The following TRPV1 variants were observed in gnomAD, a reference collection of about 807,000 sequenced individuals.
TRPV1 encodes the protein transient receptor potential cation channel subfamily V member 1.
Under a neutral mutation model 82.3 loss-of-function variants are expected in TRPV1, and 82 were observed. The observed-to-expected ratio is 1.00, with a 90% CI of 0.83 to 1.20. TRPV1 has a LOEUF of 1.20. TRPV1 is among the 50% of genes most tolerant of loss of function. The probability of loss-of-function intolerance (pLI) is 0.00; values close to 1 mark genes in which losing one functional copy is unlikely to be tolerated. For missense variants in TRPV1, 1,067 were observed against 1,096.8 expected (o/e 0.97, Z 0.38); for synonymous variants, 515 against 467.7 (o/e 1.10, Z -1.30).
intron 2 of TRPV1, 27 bp from the exon 3 acceptor site, chr17:3,592,410 A>G (rs1184477623): frequency 6.6e-7 from 1 of 1,516,010 alleles, no homozygotes; most frequent in Non-Finnish European, 8.8e-7. Flanking sequence ...GCCGGGGTTG[A>G]CTCCCAAAGT....
rs1331541565 is a variant in TRPV1, at chr17:3,592,264, AG to A, written c.86del (p.Pro29LeufsTer132). The A allele has an allele frequency of 1.1e-5, 17 of 1,607,974 alleles. No homozygotes were observed. In the African/African-American group the frequency reaches 2.3e-4, roughly 21 times the overall value. ...DTCPDPLDGD[P>X]NSRPPPAKPQ... is the part of the protein sequence containing the mutation. ...GCTTGGCTGGAGGTGGCCTGGAGTTAGGGTCTCCATCCAGGGGGTCTGGGCA... is the reference window on the plus strand; with the variant it reads ...GCTTGGCTGGAGGTGGCCTGGAGTTAGGTCTCCATCCAGGGGGTCTGGGCA... On this transcript the variant is annotated frameshift_variant, in exon 3 of 17. Coordinates refer to ENST00000572705, the MANE Select transcript of TRPV1 (RefSeq NM_080704.4). LOFTEE classifies it high-confidence loss of function.
rs1314267556 is a variant in TRPV1 at position 3,566,949 on chromosome 17, G to C, written c.2386C>G (p.Leu796Val). 3 of 1,613,920 alleles carry C rather than the reference G, an allele frequency of 1.9e-6. No homozygotes were observed. The East Asian group carries it at 6.7e-5, about 36-fold the overall frequency. Reference protein sequence around the residue: ...RHWKNFALVPLLREASARDRQ... With the variant: ...RHWKNFALVPVLREASARDRQ... ...TCTCGAGCACTTGCCTCTCTTAAAA[G>C]GGGGACCAGGGCAAAGTTCTTCCAG... Residue 796 changes from leucine to valine, a missense_variant, in exon 17 of 17, where the codon CTT becomes GTT. Coordinates refer to ENST00000572705, the MANE Select transcript of TRPV1 (RefSeq NM_080704.4).
Position 3,591,245 on chromosome 17 carries a change from C to A in TRPV1, c.393G>T (p.Glu131Asp). Residue 131 changes from glutamate (E) to aspartate (D), a missense_variant, in exon 4 of 17, where the codon GAG becomes GAT. Physicochemically the swap from Glu to Asp is conservative, Grantham distance 45. Coordinates refer to ENST00000572705, the MANE Select transcript of TRPV1 (RefSeq NM_080704.4). Reference sequence around the variant, plus strand: ...TCTTCTGCAGGAAGAGCAGCAGGCTCTCCAGATCCTGGCAGTTATTCTGAG... The same window carrying A: ...TCTTCTGCAGGAAGAGCAGCAGGCTATCCAGATCCTGGCAGTTATTCTGAG... ...AVAQNNCQDLESLLLFLQKSK... is the reference protein window; with the variant it reads ...AVAQNNCQDLDSLLLFLQKSK... 6.2e-7 allele frequency: 1 copy of A among 1,613,322 alleles called. No individual in the cohort carries two copies. Among genetic ancestry groups the A allele is most frequent in the Non-Finnish European group, 8.5e-7 (1 of 1,179,810 alleles).
chr17:3,598,586 G>C (rs1400908634), intron 2 of TRPV1, among the ~76,000 whole-genome samples: 1 of 105,472 alleles, frequency 9.5e-6, no homozygotes, highest in African/African-American at 4.4e-5. Flanking sequence ...TTTTTTTTTA[G>C]ATGGTGTCTC....
chr17:3,594,621 G>A (rs1410101301), intron 2 of TRPV1, among the ~76,000 whole-genome samples: 1 of 152,196 alleles, frequency 6.6e-6, no homozygotes, highest in African/African-American at 2.4e-5. Context: ...CACCCATCAG[G>A]TGGACCCCCT....
chr17:3,581,961 T>C (rs186812773), intron 10 of TRPV1, among the ~76,000 whole-genome samples: 2,704 of 136,048 alleles, frequency 0.02, 54 homozygotes, highest in African/African-American at 0.038. Context: ...GAGGCCAAGG[T>C]GGGCGGATCA....
intron 8 of TRPV1, among the ~76,000 whole-genome samples, chr17:3,587,253 C>A (rs1030449825): frequency 2.0e-5 from 3 of 152,172 alleles, no homozygotes; most frequent in African/African-American, 7.2e-5. Flanking sequence ...CCAGGGGAGG[C>A]AGAGCAGACC....
chr17:3,586,728 C>T (rs1405639438), intron 8 of TRPV1, among the ~76,000 whole-genome samples: 5 of 152,066 alleles, frequency 3.3e-5, no homozygotes, highest in South Asian at 2.1e-4. Context: ...GCTGAGATCA[C>T]GCCATTGCAC....
chr17:3,580,341 C>T lies in TRPV1; in HGVS notation c.1547+116G>A, dbSNP rs570795316. ...TATTCAGTGCCTTCCGTCATTCCCT[C>T]AGCATGTTCACTGAGGTCCCACTAT... is the stretch of plus-strand genomic sequence containing the variant. On this transcript the variant is annotated intron_variant, in intron 11 of 16. Transcript: ENST00000572705. 2.4e-4 allele frequency: 246 copies of T among 1,028,640 alleles called. 1 individual carries two copies. The African/African-American group carries it at 3.1e-3, about 13-fold the overall frequency. The allele number at this position is 1,028,640 out of a possible 1,614,324, so 63.7% of individuals were successfully genotyped here. A position where few individuals can be genotyped will look rare whatever the true frequency, so the allele number is the denominator to read the frequency against.
intron 2 of TRPV1, among the ~76,000 whole-genome samples, chr17:3,606,794 CAG>C (rs753233248): frequency 6.6e-6 from 1 of 152,154 alleles, no homozygotes; most frequent in African/African-American, 2.4e-5. Context: ...GGAAAGAGGA[CAG>C]AGAGTTCCGG....
rs1431868514 is a variant in TRPV1 at position 3,584,414 on chromosome 17, AAATAAAAT to A, written c.1384-992_1384-985del. On this transcript the variant is annotated intron_variant, in intron 9 of 16. Transcript: ENST00000572705. ...AGAGACTCTGTCTCAAAAAAAAAAA[AAATAAAAT>A]AAAAAAAAAAGGAAGTCATTATGTG... 1.9e-3 allele frequency among the ~76,000 whole-genome samples: 29 copies of A among 14,912 alleles called. 4 individuals carry two copies. Among genetic ancestry groups the A allele is most frequent in the African/African-American group, 4.4e-3 (21 of 4,738 alleles). The allele number at this position is 14,912 out of a possible 152,430, so 9.8% of individuals were successfully genotyped here. A position where few individuals can be genotyped will look rare whatever the true frequency, so the allele number is the denominator to read the frequency against.
At chr17:3,600,388 GACC>G (rs1567676210) in intron 2 of TRPV1, among the ~76,000 whole-genome samples, 1 of 152,166 alleles carries the variant, frequency 6.6e-6, no homozygotes, top group Non-Finnish European at 1.5e-5. Context: ...AGGAGTTCAA[GACC>G]AGCCTAGCCA....
At chr17:3,605,426 C>T (rs551966743) in intron 2 of TRPV1, among the ~76,000 whole-genome samples, 1 of 152,036 alleles carries the variant, frequency 6.6e-6, no homozygotes, top group South Asian at 2.1e-4. Context: ...ATGAGAATTG[C>T]TGGAACCCGG....
At chr17:3,581,800 A>G (rs224525) in intron 10 of TRPV1, among the ~76,000 whole-genome samples, 55,132 of 140,372 alleles carry the variant, frequency 0.39, 13,479 homozygotes, top group East Asian at 0.77. Flanking sequence ...CAGGAGAATC[A>G]CTTGAACCCA....
chr17:3,577,615 C>A lies in TRPV1; in HGVS notation c.1696G>T (p.Ala566Ser). 1 of 1,580,216 alleles carries A rather than the reference C, an allele frequency of 6.3e-7. No individual in the cohort carries two copies. Among genetic ancestry groups the A allele is most frequent in the East Asian group, 2.3e-5 (1 of 42,966 alleles). ...TRGFQQMGIY[A>S]VMIEKMILRD... is the part of the protein sequence containing the mutation. ...GAACCCACCTTCTCTATCATGACGG[C>A]ATAGATGCCCATCTGCTGGAAACCG... The change falls in exon 12 of 17, where the codon GCC becomes TCC. Residue 566 changes from alanine (A) to serine (S), a missense_variant. Ala to Ser is a moderately conservative substitution (Grantham distance 99). Coordinates refer to ENST00000572705, the MANE Select transcript of TRPV1 (RefSeq NM_080704.4).
chr17:3,590,440 C>T, intron 5 of TRPV1, 48 bp from the exon 6 acceptor site: 1 of 1,597,524 alleles, frequency 6.3e-7, no homozygotes. Flanking sequence ...TCCTGTGGGG[C>T]TGCCGGGACA....
intron 16 of TRPV1, 80 bp from the exon 17 acceptor site, chr17:3,567,067 G>T: frequency 6.6e-7 from 1 of 1,525,158 alleles, no homozygotes. Context: ...CCAGATAAAA[G>T]GAGGTCCAAG....
chr17:3,569,693 G>A (rs2150822793), intron 16 of TRPV1, among the ~76,000 whole-genome samples: 1 of 152,304 alleles, frequency 6.6e-6, no homozygotes, highest in South Asian at 2.1e-4. Flanking sequence ...GAAGTCTTTG[G>A]GGCAGATGAG....
chr17:3,576,723 C>T (rs1188557789), intron 13 of TRPV1, among the ~76,000 whole-genome samples: 3 of 138,642 alleles, frequency 2.2e-5, no homozygotes, highest in Admixed American at 1.5e-4. Flanking sequence ...GTCGTGGGCG[C>T]CTGTAATCCC....
Sources: gnomAD v4.1 joint callset for allele counts (sites outside exome capture counted in the v4.1 genomes callset) on GRCh38, gnomAD v4.1.1 for gene constraint, MANE v1.5 for transcripts, NCBI Gene and HGNC (gene_info 2026-07-23, HGNC 2026-07-21) for gene names.